HNRNPC: variants seen among roughly 807,000 people sequenced by gnomAD.
HNRNPC encodes the protein heterogeneous nuclear ribonucleoproteins C1/C2.
A neutral mutation model predicts 33.2 loss-of-function variants in HNRNPC; 3 were observed. The ratio of observed to expected loss-of-function variants is 0.09; its 90% CI spans 0.04 to 0.23. HNRNPC has a LOEUF of 0.23. Ranked by LOEUF, HNRNPC falls within the 10% of genes least tolerant of loss-of-function variation. The pLI, the probability that HNRNPC is intolerant of heterozygous loss-of-function variation, is 1.00. For missense variants in HNRNPC, 143 were observed against 366.7 expected, an observed-to-expected ratio of 0.39 and a Z score of 4.98; for synonymous variants, 121 against 126.7, an observed-to-expected ratio of 0.96 and a Z score of 0.30.
At chr14:21,240,039 C>G (rs577005167) in intron 2 of HNRNPC, among the ~76,000 whole-genome samples, 1 of 152,210 alleles carries the variant, frequency 6.6e-6, no homozygotes, top group African/African-American at 2.4e-5. Context: ...ACCTAGAAAA[C>G]AAGTCAAAAC....
At chr14:21,260,457 A>T (rs1878036461) in intron 2 of HNRNPC, among the ~76,000 whole-genome samples, 1 of 151,974 alleles carries the variant, frequency 6.6e-6, no homozygotes, top group Admixed American at 6.6e-5. Flanking sequence ...AAAATAATAA[A>T]AAAAGGATTC....
At chr14:21,226,583 G>A (rs977982768) in intron 5 of HNRNPC, among the ~76,000 whole-genome samples, 4 of 152,014 alleles carry the variant, frequency 2.6e-5, no homozygotes, top group Admixed American at 6.5e-5. Context: ...AGGGCCAGGC[G>A]TAGTGGTTCA....
At chr14:21,230,216 G>A (rs1049481687) in intron 5 of HNRNPC, 103 bp downstream of exon 5, 5 of 728,990 alleles carry the variant, frequency 6.9e-6, no homozygotes, top group Non-Finnish European at 9.2e-6. Flanking sequence ...AGTTAGGGGA[G>A]TATGTTTGAA....
intron 2 of HNRNPC, among the ~76,000 whole-genome samples, chr14:21,246,567 A>G (rs1025018629): frequency 4.3e-4 from 48 of 110,352 alleles, no homozygotes; most frequent in African/African-American, 1.8e-3. Flanking sequence ...ACTCCGTCTC[A>G]AAAAAAAAAA....
chr14:21,241,397 G>A (rs1895328178), intron 2 of HNRNPC, among the ~76,000 whole-genome samples: 1 of 151,442 alleles, frequency 6.6e-6, no homozygotes, highest in Non-Finnish European at 1.5e-5. Flanking sequence ...GAATTTCAAA[G>A]ACAAAAGTGA....
intron 2 of HNRNPC, among the ~76,000 whole-genome samples, chr14:21,257,197 A>G (rs989347907): frequency 1.3e-5 from 2 of 152,238 alleles, no homozygotes; most frequent in African/African-American, 4.8e-5. Context: ...AGAAAAGTAT[A>G]GGCTGTTGAT....
At position 21,222,384 on chromosome 14, in the gene HNRNPC, G is replaced by GT. The variant is rs1223408739; in HGVS notation, c.365+7934dup. Among the ~76,000 whole-genome samples the GT allele has an allele frequency of 6.3e-4, 94 of 150,270 alleles. 3 individuals are homozygous for GT. Among genetic ancestry groups the GT allele is most frequent in the African/African-American group, 2.0e-3 (80 of 40,582 alleles). On this transcript the variant is annotated intron_variant, in intron 5 of 8. Coordinates refer to ENST00000553300, the MANE Select transcript of HNRNPC (RefSeq NM_004500.4). ...AATCTCCATGGCAGAATTTGTTTTT[G>GT]TTTTTTTTTCCTGTACGGATTTGCC...
chr14:21,252,025 C>T (rs1896734358), intron 2 of HNRNPC, among the ~76,000 whole-genome samples: 1 of 152,148 alleles, frequency 6.6e-6, no homozygotes, highest in South Asian at 2.1e-4. Context: ...ACAGTATTCT[C>T]TTAAACAGCC....
At chr14:21,240,348 C>T (rs1214450462) in intron 2 of HNRNPC, among the ~76,000 whole-genome samples, 1 of 152,044 alleles carries the variant, frequency 6.6e-6, no homozygotes, top group Non-Finnish European at 1.5e-5. Context: ...GCCTCTTCAC[C>T]CTTTTAATGG....
At chr14:21,220,321 C>T (rs944819021) in intron 5 of HNRNPC, among the ~76,000 whole-genome samples, 2 of 151,428 alleles carry the variant, frequency 1.3e-5, no homozygotes, top group African/African-American at 4.8e-5. Context: ...TCACTGTAAC[C>T]TCCACCTCCT....
chr14:21,262,942 G>A (rs1318007447), intron 2 of HNRNPC: 1 of 152,100 alleles, frequency 6.6e-6, no homozygotes, highest in Non-Finnish European at 1.5e-5. Flanking sequence ...TTAAAGATCA[G>A]GAAAAATAAG....
chr14:21,241,910 C>T (rs1322671899), intron 2 of HNRNPC, among the ~76,000 whole-genome samples: 1 of 152,174 alleles, frequency 6.6e-6, no homozygotes, highest in Non-Finnish European at 1.5e-5. Flanking sequence ...ATTATGTTAA[C>T]TGCTATGTTT....
chr14:21,227,538 G>A (rs1030448857), intron 5 of HNRNPC, among the ~76,000 whole-genome samples: 51 of 152,216 alleles, frequency 3.4e-4, no homozygotes, highest in Middle Eastern at 6.8e-3. Flanking sequence ...GCTTTTTACC[G>A]TTCAAAGAAA....
At chr14:21,222,283 T>C (rs950786133) in intron 5 of HNRNPC, among the ~76,000 whole-genome samples, 13 of 152,080 alleles carry the variant, frequency 8.5e-5, no homozygotes, top group Admixed American at 5.9e-4. Flanking sequence ...ATAATCACCA[T>C]ACAACCCAGC....
At chr14:21,234,337 A>AG (rs1894436191) in intron 2 of HNRNPC, 108 bp from the exon 3 acceptor site, 8 of 977,962 alleles carry the variant, frequency 8.2e-6, no homozygotes, top group Non-Finnish European at 1.1e-5. Context: ...CCAGAGTATT[A>AG]GGCAACTTAA....
intron 2 of HNRNPC, among the ~76,000 whole-genome samples, chr14:21,238,903 G>C (rs538352802): frequency 6.6e-6 from 1 of 152,104 alleles, no homozygotes; most frequent in South Asian, 2.1e-4. Flanking sequence ...GAGGCAGGCA[G>C]TTCACATCAG....
chr14:21,215,306 G>T (rs1456012681), intron 5 of HNRNPC, among the ~76,000 whole-genome samples: 1 of 152,178 alleles, frequency 6.6e-6, no homozygotes, highest in African/African-American at 2.4e-5. Flanking sequence ...TACATAGTGT[G>T]ACAACCTTTA....
chr14:21,260,052 T>C (rs1423198773), intron 2 of HNRNPC, among the ~76,000 whole-genome samples: 1 of 146,906 alleles, frequency 6.8e-6, no homozygotes, highest in Non-Finnish European at 1.5e-5. Flanking sequence ...ACAAAAAAAT[T>C]AGCCGGGCGT....
intron 2 of HNRNPC, among the ~76,000 whole-genome samples, chr14:21,238,023 G>C (rs1489700995): frequency 6.6e-6 from 1 of 151,956 alleles, no homozygotes; most frequent in Non-Finnish European, 1.5e-5. Context: ...CGCCTGCCTC[G>C]GCCTCCCAAA....
Sources: allele counts gnomAD v4.1 joint callset (sites outside exome capture counted in the v4.1 genomes callset), GRCh38; gene constraint gnomAD v4.1.1; transcripts MANE v1.5; gene names NCBI Gene and HGNC (gene_info 2026-07-23, HGNC 2026-07-21).